Variants in ASAP1 observed in about 807,000 individuals in gnomAD.
The protein encoded by ASAP1 is ArfGAP with SH3 domain, ankyrin repeat and PH domain 1, also known as arf-GAP with SH3 domain, ANK repeat and PH domain-containing protein 1.
In ASAP1, 43 loss-of-function variants were observed where a neutral mutation model predicts 145.2. That is an observed-to-expected ratio of 0.30 (90% CI 0.23 to 0.38). The LOEUF is 0.38. Among genes scored for constraint, ASAP1 ranks in the 10% least tolerant of loss-of-function variants. The probability of loss-of-function intolerance (pLI) is 1.00; values close to 1 mark genes in which losing one functional copy is unlikely to be tolerated. For missense variants in ASAP1, 1,018 were observed against 1,355.3 expected (o/e 0.75, Z 3.91); for synonymous variants, 546 against 515.5 (o/e 1.06, Z -0.80).
chr8:130,268,283 C>T (rs929896303), intron 3 of ASAP1, among the ~76,000 whole-genome samples: 2 of 151,644 alleles, frequency 1.3e-5, no homozygotes, highest in Non-Finnish European at 2.9e-5. Context: ...CCCAGGAGCT[C>T]GAGACCAGCC....
chr8:130,113,817 C>A (rs1011138075), intron 23 of ASAP1, among the ~76,000 whole-genome samples: 3 of 151,798 alleles, frequency 2.0e-5, no homozygotes, highest in African/African-American at 4.8e-5. Context: ...ACTCAGACAC[C>A]CACACCCAGG....
Position 130,112,537 on chromosome 8 carries a change from A to G in ASAP1, c.2173-215T>C, listed in dbSNP as rs1250147772. 2.0e-5 allele frequency: 10 copies of G among 489,290 alleles called. No individual in the cohort carries two copies. The East Asian group carries it at 2.8e-4, about 14-fold the overall frequency. 30.3% of individuals were successfully genotyped at this position (489,290 alleles called of 1,614,324 possible). On this transcript the variant is annotated intron_variant, in intron 23 of 29. Coordinates refer to ENST00000518721, the MANE Select transcript of ASAP1 (RefSeq NM_018482.4). ...ATCGTTCACCACTATGAATAATCAC[A>G]CTAGTGAAACACTGGTTAGGATCAG...
intron 25 of ASAP1, among the ~76,000 whole-genome samples, chr8:130,088,982 C>G (rs1254500528): frequency 1.3e-5 from 2 of 152,182 alleles, no homozygotes; most frequent in African/African-American, 2.4e-5. Flanking sequence ...AGAATCCAGA[C>G]AGTATGACAC....
chr8:130,143,426 G>A (rs922515739), intron 13 of ASAP1, among the ~76,000 whole-genome samples: 15 of 99,384 alleles, frequency 1.5e-4, no homozygotes, highest in African/African-American at 4.7e-4. Flanking sequence ...TTTTTTTTTT[G>A]ACATATGTTG....
intron 23 of ASAP1, among the ~76,000 whole-genome samples, chr8:130,115,092 G>T (rs1198669616): frequency 6.6e-6 from 1 of 152,184 alleles, no homozygotes; most frequent in Non-Finnish European, 1.5e-5. Flanking sequence ...ACAGGCTACA[G>T]TGTCCTGGTG....
intron 2 of ASAP1, among the ~76,000 whole-genome samples, chr8:130,384,892 AC>A (rs1320797590): frequency 6.6e-6 from 1 of 152,006 alleles, no homozygotes; most frequent in Non-Finnish European, 1.5e-5. Flanking sequence ...GGCCGAGATG[AC>A]CCCCGCCCTC....
intron 20 of ASAP1, among the ~76,000 whole-genome samples, chr8:130,117,382 G>A (rs2097557955): frequency 6.6e-6 from 1 of 152,120 alleles, no homozygotes; most frequent in African/African-American, 2.4e-5. Context: ...TTGAACACAG[G>A]TAATCTATCT....
At chr8:130,119,140 C>T (rs771527590) in intron 18 of ASAP1, among the ~76,000 whole-genome samples, 6 of 152,180 alleles carry the variant, frequency 3.9e-5, no homozygotes, top group African/African-American at 1.2e-4. Flanking sequence ...GATCGGGTCT[C>T]GCTATGTTGC....
intron 4 of ASAP1, among the ~76,000 whole-genome samples, chr8:130,220,479 G>A (rs548003621): frequency 6.6e-6 from 1 of 152,092 alleles, no homozygotes; most frequent in Admixed American, 6.6e-5. Context: ...ATTTAAATTA[G>A]AATATGCCAC....
chr8:130,205,497 G>C (rs527778196), intron 5 of ASAP1, among the ~76,000 whole-genome samples: 16 of 145,988 alleles, frequency 1.1e-4, no homozygotes, highest in African/African-American at 3.8e-4. Context: ...TTGACAAACA[G>C]AAAATTCAAA....
chr8:130,152,285 A>C (rs1008662988), intron 13 of ASAP1, among the ~76,000 whole-genome samples: 2 of 152,144 alleles, frequency 1.3e-5, no homozygotes, highest in Non-Finnish European at 2.9e-5. Context: ...TTTCCACTAC[A>C]ATCTCTGCAT....
chr8:130,081,694 G>C (rs1342817771), intron 25 of ASAP1, among the ~76,000 whole-genome samples: 1 of 152,168 alleles, frequency 6.6e-6, no homozygotes, highest in East Asian at 1.9e-4. Context: ...CACAGCATGA[G>C]ACTGGCATCA....
chr8:130,297,724 G>A (rs555202268), intron 3 of ASAP1, among the ~76,000 whole-genome samples: 6 of 152,056 alleles, frequency 3.9e-5, no homozygotes, highest in East Asian at 1.9e-4. Context: ...AAAACAAAGC[G>A]GGGGGGCGGG....
chr8:130,366,936 G>A (rs141588043), intron 2 of ASAP1, among the ~76,000 whole-genome samples: 3,976 of 127,750 alleles, frequency 0.031, 69 homozygotes, highest in Middle Eastern at 0.068. Flanking sequence ...TGTCACCCCA[G>A]GCTGGAGTGC....
At chr8:130,381,090 C>T (rs138466840) in intron 2 of ASAP1, among the ~76,000 whole-genome samples, 4 of 152,176 alleles carry the variant, frequency 2.6e-5, no homozygotes, top group East Asian at 3.9e-4. Context: ...TTTGCCATGT[C>T]GTCCAGGCTG....
At position 130,180,732 on chromosome 8, in the gene ASAP1, T is replaced by C. The variant is rs767120206; in HGVS notation, c.660+19A>G. ...AGTTGTTATAATTCTAGGCAAATGG[T>C]GGAAAAGTCCATTCTTACTTCACAC... is the stretch of plus-strand genomic sequence containing the variant. On this transcript the variant is annotated intron_variant, in intron 8 of 29. Transcript: ENST00000518721. 6.3e-7 allele frequency: 1 copy of C among 1,598,822 alleles called. No individual in the cohort carries two copies.
intron 4 of ASAP1, among the ~76,000 whole-genome samples, chr8:130,224,723 C>T (rs933228035): frequency 8.5e-5 from 13 of 152,124 alleles, no homozygotes; most frequent in African/African-American, 2.2e-4. Context: ...ATAATAAATA[C>T]GCCTGCTGAA....
At chr8:130,281,459 A>G in intron 3 of ASAP1, among the ~76,000 whole-genome samples, 1 of 152,202 alleles carries the variant, frequency 6.6e-6, no homozygotes, top group Non-Finnish European at 1.5e-5. Flanking sequence ...TGATTTTTTT[A>G]ATCATGACAG....
chr8:130,350,989 T>C (rs1825961794), intron 3 of ASAP1, among the ~76,000 whole-genome samples: 1 of 152,154 alleles, frequency 6.6e-6, no homozygotes, highest in African/African-American at 2.4e-5. Flanking sequence ...ATCTGCCCAG[T>C]CCAAGGAGGA....
Sources: allele counts gnomAD v4.1 joint callset (sites outside exome capture counted in the v4.1 genomes callset), GRCh38; gene constraint gnomAD v4.1.1; transcripts MANE v1.5; gene names NCBI Gene and HGNC (gene_info 2026-07-23, HGNC 2026-07-21).